The following PTPRN2 variants were observed in gnomAD, a reference collection of about 807,000 sequenced individuals.
The protein encoded by PTPRN2 is protein tyrosine phosphatase receptor type N2, also known as receptor-type tyrosine-protein phosphatase N2.
PTPRN2 carries 74 observed loss-of-function variants against 118.8 expected under a neutral mutation model. The observed-to-expected ratio is 0.62, with a 90% CI of 0.52 to 0.76. The LOEUF (loss-of-function observed/expected upper bound fraction) is 0.76. Ranked by LOEUF, PTPRN2 falls within the 30% of genes least tolerant of loss-of-function variation. PTPRN2 has a pLI of 0.00. For missense variants in PTPRN2, 1,481 were observed against 1,394.4 expected (o/e 1.06, Z -0.99); for synonymous variants, 641 against 608.0 (o/e 1.05, Z -0.80).
At chr7:158,055,364 C>T (rs753642235) in intron 11 of PTPRN2, among the ~76,000 whole-genome samples, 6 of 152,120 alleles carry the variant, frequency 3.9e-5, no homozygotes, top group East Asian at 1.9e-4. Context: ...CGTGGTCAAG[C>T]GGTAGCGTCA....
intron 9 of PTPRN2, among the ~76,000 whole-genome samples, chr7:158,128,567 C>T (rs985776661): frequency 6.6e-6 from 1 of 152,136 alleles, no homozygotes; most frequent in African/African-American, 2.4e-5. Flanking sequence ...GGAAATGACC[C>T]AATGTGATAG....
At chr7:157,697,954 G>T (rs922476431) in intron 12 of PTPRN2, among the ~76,000 whole-genome samples, 6 of 151,156 alleles carry the variant, frequency 4.0e-5, no homozygotes, top group African/African-American at 1.5e-4. Context: ...ATCTACCCAT[G>T]CATACTGGAT....
intron 2 of PTPRN2, among the ~76,000 whole-genome samples, chr7:158,400,106 A>C (rs561694262): frequency 1.3e-5 from 2 of 152,264 alleles, no homozygotes; most frequent in South Asian, 4.1e-4. Context: ...AGATGCCTTT[A>C]TGTCATCGTT....
intron 12 of PTPRN2, among the ~76,000 whole-genome samples, chr7:157,840,695 A>G (rs1808358637): frequency 1.3e-5 from 2 of 152,224 alleles, no homozygotes; most frequent in African/African-American, 4.8e-5. Flanking sequence ...CTGGCACCTG[A>G]TCACTCACAG....
chr7:158,265,133 G>A (rs1292352167), intron 3 of PTPRN2, among the ~76,000 whole-genome samples: 1 of 152,066 alleles, frequency 6.6e-6, no homozygotes, highest in Non-Finnish European at 1.5e-5. Flanking sequence ...TGTTCCGCAG[G>A]CCCCTGGCCC....
At chr7:158,317,729 G>A (rs1802454875) in intron 2 of PTPRN2, among the ~76,000 whole-genome samples, 1 of 152,180 alleles carries the variant, frequency 6.6e-6, no homozygotes, top group Non-Finnish European at 1.5e-5. Flanking sequence ...GGGCGGAAGG[G>A]GAAATGGTCT....
Position 158,297,902 on chromosome 7 carries a change from T to C in PTPRN2, c.277+18917A>G, listed in dbSNP as rs190332042. Among the ~76,000 whole-genome samples the C allele has an allele frequency of 6.6e-5, 10 of 152,380 alleles. No individual in the cohort carries two copies. In the East Asian group the frequency reaches 1.5e-3, roughly 24 times the overall value. ...TTACAAAACAAGTTGACTGAAAATT[T>C]AAGGAATGCATGTTTTAATGAATAT... On this transcript the variant is annotated intron_variant, in intron 3 of 22. Coordinates refer to ENST00000389418, the MANE Select transcript of PTPRN2 (RefSeq NM_002847.5).
rs991932911 is a variant in PTPRN2 at position 158,488,422 on chromosome 7, C to T, written c.163+1313G>A. On this transcript the variant is annotated intron_variant, in intron 2 of 22. Coordinates refer to ENST00000389418, the MANE Select transcript of PTPRN2 (RefSeq NM_002847.5). ...CGCTGAGGACCTGCTCTCCTCTTGG[C>T]GCCTCCACCGTGGCTTCCCTTCCCG... is the stretch of plus-strand genomic sequence containing the variant. 1.2e-4 allele frequency among the ~76,000 whole-genome samples: 18 copies of T among 152,298 alleles called. 1 individual carries two copies. The highest frequency in any genetic ancestry group is 3.8e-4 in the African/African-American group (16 of 41,574).
At chr7:158,300,056 T>C (rs897918361) in intron 3 of PTPRN2, among the ~76,000 whole-genome samples, 3 of 152,332 alleles carry the variant, frequency 2.0e-5, no homozygotes, top group Admixed American at 1.3e-4. Flanking sequence ...GTTGAAAATA[T>C]TTGTTTACTT....
At chr7:157,727,333 G>A (rs1799657686) in intron 12 of PTPRN2, among the ~76,000 whole-genome samples, 1 of 152,198 alleles carries the variant, frequency 6.6e-6, no homozygotes, top group African/African-American at 2.4e-5. Context: ...ATAACATGGG[G>A]AGTCCTGAGG....
intron 12 of PTPRN2, among the ~76,000 whole-genome samples, chr7:157,855,190 G>A (rs1809612615): frequency 6.7e-6 from 1 of 150,192 alleles, no homozygotes; most frequent in African/African-American, 2.4e-5. Context: ...TTGCAGGGGT[G>A]TGTGTGGGGC....
intron 2 of PTPRN2, among the ~76,000 whole-genome samples, chr7:158,478,947 C>G (rs948340291): frequency 6.6e-6 from 1 of 152,078 alleles, no homozygotes; most frequent in African/African-American, 2.4e-5. Flanking sequence ...AAACACGTGT[C>G]ACCGCGACAG....
chr7:157,952,558 C>A (rs975609821), intron 11 of PTPRN2, among the ~76,000 whole-genome samples: 2 of 152,038 alleles, frequency 1.3e-5, no homozygotes, highest in South Asian at 4.1e-4. Context: ...CCTGAGCAGC[C>A]CCTCCCCTGT....
rs1816765254 is a variant in PTPRN2 at position 158,438,744 on chromosome 7, C to T, written c.163+50991G>A. Reference sequence around the variant, plus strand: ...CATATAGGGTTTAGTGACATTTCCACTGATAGTGACTTCCTCAAAGACACT... The same window carrying T: ...CATATAGGGTTTAGTGACATTTCCATTGATAGTGACTTCCTCAAAGACACT... On this transcript the variant is annotated intron_variant, in intron 2 of 22. Transcript: ENST00000389418. The surrounding 1 kb of genome is among the most constrained non-coding windows in gnomAD (Gnocchi z 4.7). 6.6e-6 allele frequency among the ~76,000 whole-genome samples: 1 copy of T among 152,196 alleles called. No homozygotes were observed. The highest frequency in any genetic ancestry group is 6.5e-5 in the Admixed American group (1 of 15,288).
At position 157,540,549 on chromosome 7, in the gene PTPRN2, A is replaced by T; in HGVS notation, c.*165T>A. On this transcript the variant is annotated 3_prime_UTR_variant, in exon 23 of 23. Transcript: ENST00000389418. ...ACAAATCTCTCTTTATTATTGTTTG[A>T]TTAAACAAAAATACACTTTTAACTG... 2.1e-6 allele frequency: 1 copy of T among 480,458 alleles called. No homozygotes were observed. The highest frequency in any genetic ancestry group is 3.6e-6 in the Non-Finnish European group (1 of 276,738). The allele number at this position is 480,458 out of a possible 1,614,324, so 29.8% of individuals were successfully genotyped here. A position where few individuals can be genotyped will look rare whatever the true frequency, so the allele number is the denominator to read the frequency against.
At chr7:158,381,352 T>A (rs1390462957) in intron 2 of PTPRN2, among the ~76,000 whole-genome samples, 2 of 152,190 alleles carry the variant, frequency 1.3e-5, no homozygotes, top group African/African-American at 4.8e-5. Flanking sequence ...ATACCCTAAA[T>A]CATCTTGCTC....
intron 12 of PTPRN2, among the ~76,000 whole-genome samples, chr7:157,809,764 T>G (rs1027820487): frequency 2.6e-5 from 4 of 152,080 alleles, no homozygotes; most frequent in African/African-American, 9.7e-5. Context: ...ATCTCCAGCT[T>G]CCGGCCCGCG....
At chr7:157,568,320 G>A (rs983920264) in intron 21 of PTPRN2, among the ~76,000 whole-genome samples, 2 of 152,096 alleles carry the variant, frequency 1.3e-5, no homozygotes, top group African/African-American at 4.8e-5. Context: ...TCCCCACACC[G>A]TCTCTGAGAG....
At chr7:158,495,883 G>A (rs1728528959) in intron 1 of PTPRN2, among the ~76,000 whole-genome samples, 1 of 152,098 alleles carries the variant, frequency 6.6e-6, no homozygotes, top group South Asian at 2.1e-4. Context: ...TGAAAGCTGT[G>A]ATTGCAATTT....
Sources: gnomAD v4.1 joint callset for allele counts (sites outside exome capture counted in the v4.1 genomes callset) on GRCh38, gnomAD v4.1.1 for gene constraint, Gnocchi (gnomAD v3.1) non-coding constraint, MANE v1.5 for transcripts, NCBI Gene and HGNC (gene_info 2026-07-23, HGNC 2026-07-21) for gene names.